The following ST6GAL1 variants were observed in gnomAD, a reference collection of about 807,000 sequenced individuals.
ST6GAL1 encodes the protein ST6 beta-galactoside alpha-2,6-sialyltransferase 1.
Under a neutral mutation model 38.0 loss-of-function variants are expected in ST6GAL1, and 20 were observed. The observed-to-expected ratio is 0.53, with a 90% confidence interval of 0.37 to 0.77. ST6GAL1 has a LOEUF of 0.77. Ranked by LOEUF, ST6GAL1 falls within the 30% of genes least tolerant of loss-of-function variation. The pLI, the probability that ST6GAL1 is intolerant of heterozygous loss-of-function variation, is 0.00. For synonymous variants in ST6GAL1, 196 were observed against 188.2 expected, an observed-to-expected ratio of 1.04 and a Z score of -0.34; for missense variants, 432 against 496.4, an observed-to-expected ratio of 0.87 and a Z score of 1.23.
intron 1 of ST6GAL1, among the ~76,000 whole-genome samples, chr3:186,935,733 T>C (rs1028086878): frequency 6.6e-6 from 1 of 152,028 alleles, no homozygotes; most frequent in African/African-American, 2.4e-5. Flanking sequence ...TGGTAGGGAA[T>C]GTTAGTGGGA....
At chr3:187,038,246 C>T (rs1718004260) in intron 2 of ST6GAL1, 1 of 147,016 alleles carries the variant, frequency 6.8e-6, no homozygotes, top group African/African-American at 2.5e-5. Flanking sequence ...CTCTCTGTTG[C>T]CCAGGCTGGA....
intron 2 of ST6GAL1, among the ~76,000 whole-genome samples, chr3:187,028,145 T>C (rs1177712389): frequency 6.6e-6 from 1 of 151,616 alleles, no homozygotes; most frequent in Non-Finnish European, 1.5e-5. Flanking sequence ...TTTCAAGGAG[T>C]TTTACTGTAA....
intron 1 of ST6GAL1, among the ~76,000 whole-genome samples, chr3:186,943,757 A>C (rs1205905288): frequency 6.6e-6 from 1 of 152,182 alleles, no homozygotes; most frequent in African/African-American, 2.4e-5. Context: ...CTATTATCTC[A>C]GATTAATAGG....
At position 187,075,993 on chromosome 3, in the gene ST6GAL1, C is replaced by G. The variant is rs1484763333; in HGVS notation, c.*190C>G. 14 of 808,108 alleles carry G rather than the reference C, an allele frequency of 1.7e-5. No homozygotes were observed. In the South Asian group the frequency reaches 1.9e-4, roughly 11 times the overall value. 50.1% of individuals were successfully genotyped at this position (808,108 alleles called of 1,614,324 possible). A position where few individuals can be genotyped will look rare whatever the true frequency, so the allele number is the denominator to read the frequency against. On this transcript the variant is annotated 3_prime_UTR_variant, in exon 8 of 8. Coordinates refer to ENST00000169298, the MANE Select transcript of ST6GAL1 (RefSeq NM_173216.2). This position sits in a 1 kb window ranked among gnomAD's most constrained non-coding sequence, Gnocchi z 4.1. Reference sequence around the variant, plus strand: ...AGGTCCAGCCTTCCCTGTAGCCAGACAGTTTATGAGCCCAGAGCCTCCTGC... The same window carrying G: ...AGGTCCAGCCTTCCCTGTAGCCAGAGAGTTTATGAGCCCAGAGCCTCCTGC...
chr3:187,042,404 A>G (rs973589886), intron 3 of ST6GAL1, among the ~76,000 whole-genome samples: 9 of 152,172 alleles, frequency 5.9e-5, no homozygotes, highest in African/African-American at 2.2e-4. Context: ...TAAAGTGTTC[A>G]TGGCTCAAGA....
chr3:186,949,862 G>C lies in ST6GAL1; in HGVS notation c.-324-13923G>C, dbSNP rs547065043. 1.3e-3 allele frequency among the ~76,000 whole-genome samples: 198 copies of C among 152,306 alleles called. 1 individual carries two copies. Among genetic ancestry groups the C allele is most frequent in the African/African-American group, 4.6e-3 (191 of 41,564 alleles). Reference sequence around the variant, plus strand: ...TTCATCCTTTCTGCCTTGTAGCATTGGTGTGAGTCCTAGAGGTAGTGCCTA... The same window carrying C: ...TTCATCCTTTCTGCCTTGTAGCATTCGTGTGAGTCCTAGAGGTAGTGCCTA... On this transcript the variant is annotated intron_variant, in intron 1 of 7. Coordinates refer to ENST00000169298, the MANE Select transcript of ST6GAL1 (RefSeq NM_173216.2).
At chr3:186,982,268 A>C (rs1715719342) in intron 2 of ST6GAL1, among the ~76,000 whole-genome samples, 1 of 152,250 alleles carries the variant, frequency 6.6e-6, no homozygotes, top group African/African-American at 2.4e-5. Context: ...AAATTGCATC[A>C]AAGGGTGGCA....
intron 2 of ST6GAL1, among the ~76,000 whole-genome samples, chr3:187,000,915 C>T (rs1716596137): frequency 6.6e-6 from 1 of 152,188 alleles, no homozygotes; most frequent in Admixed American, 6.5e-5. Context: ...CTAAATTTAA[C>T]TGGAGTAGAA....
intron 2 of ST6GAL1, among the ~76,000 whole-genome samples, chr3:187,016,690 G>A (rs976666188): frequency 5.3e-5 from 8 of 152,238 alleles, no homozygotes; most frequent in Non-Finnish European, 1.2e-4. Flanking sequence ...GTGGTAAGGA[G>A]GAAGCAAATG....
chr3:186,988,002 G>C (rs11923417), intron 2 of ST6GAL1, among the ~76,000 whole-genome samples: 97,293 of 151,970 alleles, frequency 0.64, 31,142 homozygotes, highest in Non-Finnish European at 0.65. Context: ...TTTAGTTCCT[G>C]TTTGTGGTGT....
chr3:186,965,090 TC>T (rs1433408265), intron 2 of ST6GAL1, among the ~76,000 whole-genome samples: 1 of 152,206 alleles, frequency 6.6e-6, no homozygotes, highest in Non-Finnish European at 1.5e-5. Flanking sequence ...TGGCTGCATT[TC>T]CCCCTTTGGC....
intron 5 of ST6GAL1, among the ~76,000 whole-genome samples, chr3:187,060,997 A>G (rs2108594525): frequency 1.3e-5 from 2 of 152,358 alleles, no homozygotes; most frequent in African/African-American, 4.8e-5. Context: ...AATATTGAAT[A>G]AATAAGCAAA....
chr3:187,034,440 AAG>A (rs2108574446), intron 2 of ST6GAL1, among the ~76,000 whole-genome samples: 1 of 152,282 alleles, frequency 6.6e-6, no homozygotes, highest in South Asian at 2.1e-4. Context: ...AAACCTGGCA[AAG>A]ACACAGTAAA....
At chr3:187,067,131 G>C (rs1719188320) in intron 5 of ST6GAL1, among the ~76,000 whole-genome samples, 1 of 124,932 alleles carries the variant, frequency 8.0e-6, no homozygotes. Flanking sequence ...CTGTCACCCA[G>C]GCTGGAGTGC....
intron 5 of ST6GAL1, chr3:187,072,494 T>G (rs1719418539): frequency 2.9e-6 from 1 of 339,042 alleles, no homozygotes; most frequent in Non-Finnish European, 5.8e-6. Context: ...TTTGATTATA[T>G]GAGTCCCTGA....
intron 2 of ST6GAL1, among the ~76,000 whole-genome samples, chr3:186,974,298 G>A (rs886741116): frequency 1.3e-5 from 2 of 152,166 alleles, no homozygotes; most frequent in Non-Finnish European, 2.9e-5. Flanking sequence ...AGGTGCTGCC[G>A]ATACTGCAGG....
At chr3:186,961,300 A>G (rs1357597980) in intron 1 of ST6GAL1, among the ~76,000 whole-genome samples, 2 of 151,970 alleles carry the variant, frequency 1.3e-5, no homozygotes, top group African/African-American at 4.8e-5. Context: ...TGTGCATGGC[A>G]TTTGCTTGTC....
chr3:187,009,215 TAA>T (rs1410737986), intron 2 of ST6GAL1, among the ~76,000 whole-genome samples: 1 of 152,118 alleles, frequency 6.6e-6, no homozygotes, highest in East Asian at 1.9e-4. Flanking sequence ...CCTGTTTTGT[TAA>T]AAAGTCAATA....
intron 2 of ST6GAL1, among the ~76,000 whole-genome samples, chr3:187,022,298 T>C (rs2108565793): frequency 6.6e-6 from 1 of 152,026 alleles, no homozygotes; most frequent in African/African-American, 2.4e-5. Context: ...CTGTGTTGAT[T>C]GTTGTGGTGT....
Sources: gnomAD v4.1 joint callset for allele counts (sites outside exome capture counted in the v4.1 genomes callset) on GRCh38, gnomAD v4.1.1 for gene constraint, Gnocchi (gnomAD v3.1) non-coding constraint, MANE v1.5 for transcripts, NCBI Gene and HGNC (gene_info 2026-07-23, HGNC 2026-07-21) for gene names.